The following ARHGAP45 variants were observed in gnomAD, a reference collection of about 807,000 sequenced individuals.
The protein encoded by ARHGAP45 is rho GTPase-activating protein 45.
Under a neutral mutation model 116.1 loss-of-function variants are expected in ARHGAP45, and 56 were observed. That is an observed-to-expected ratio of 0.48 (90% confidence interval 0.39 to 0.60). ARHGAP45 has a LOEUF of 0.60. Ranked by LOEUF, ARHGAP45 falls within the 20% of genes least tolerant of loss-of-function variation. ARHGAP45 has a pLI of 0.00. For synonymous variants in ARHGAP45, 866 were observed against 701.7 expected, an observed-to-expected ratio of 1.23 and a Z score of -3.70; for missense variants, 1,622 against 1,601.0, an observed-to-expected ratio of 1.01 and a Z score of -0.22.
rs2043188732 is a variant in ARHGAP45, at chr19:1,074,087, G to A, written c.791-17G>A. On this transcript the variant is annotated splice_polypyrimidine_tract_variant and intron_variant, in intron 6 of 22. Transcript: ENST00000313093. Reference sequence around the variant, plus strand: ...GCGCGGGTCGGGCCAGGCTGAGCAGGCCCCCGTTCCCTGCAGGCTGCCTGC... The same window carrying A: ...GCGCGGGTCGGGCCAGGCTGAGCAGACCCCCGTTCCCTGCAGGCTGCCTGC... 2 of 1,609,390 alleles carry A rather than the reference G, an allele frequency of 1.2e-6. No individual in the cohort carries two copies. Among genetic ancestry groups the A allele is most frequent in the African/African-American group, 1.3e-5 (1 of 74,876 alleles).
At chr19:1,084,716 C>T (rs1486770804) in intron 22 of ARHGAP45, among the ~76,000 whole-genome samples, 1 of 152,164 alleles carries the variant, frequency 6.6e-6, no homozygotes, top group Admixed American at 6.5e-5. Flanking sequence ...GCCAGCACCA[C>T]CTGTCAGAGG....
Position 1,074,810 on chromosome 19 carries a change from G to A in ARHGAP45, c.1116G>A (p.Leu372=). The part of the protein sequence containing the change: ...QTQTFMQPLT[L]RRLEHEKRRK... ...CCGTCTCGCCCCAGCCCCTGACCCTGCGGCGGCTTGAACACGAGAAGCGCA... is the reference window on the plus strand; with the variant it reads ...CCGTCTCGCCCCAGCCCCTGACCCTACGGCGGCTTGAACACGAGAAGCGCA... Residue 372 remains leucine (L), a synonymous_variant, in exon 10 of 23, where the codon CTG becomes CTA. Transcript: ENST00000313093. 1 of 1,601,398 alleles carries A rather than the reference G, an allele frequency of 6.2e-7. No individual in the cohort carries two copies. Among genetic ancestry groups the A allele is most frequent in the South Asian group, 1.1e-5 (1 of 89,170 alleles).
rs112834045 is a variant in ARHGAP45, at chr19:1,073,761, C to T, written c.723+15C>T. The T allele has an allele frequency of 3.8e-3, 5,920 of 1,573,972 alleles. 200 individuals carry two copies. In the African/African-American group the frequency reaches 0.069, roughly 18 times the overall value. The stretch of plus-strand genomic sequence containing the variant: ...ACTCGAGCCAGGTGAGTGGGGTGGG[C>T]CAGGGCCACCTGTGTCCAGCTTCTG... On this transcript the variant is annotated intron_variant, in intron 5 of 22. Transcript: ENST00000313093.
Position 1,083,169 on chromosome 19 carries a change from A to G in ARHGAP45, c.2771A>G (p.Lys924Arg), listed in dbSNP as rs533542089. 6.2e-7 allele frequency: 1 copy of G among 1,610,692 alleles called. No individual in the cohort carries two copies. Among genetic ancestry groups the G allele is most frequent in the African/African-American group, 1.3e-5 (1 of 75,008 alleles). Residue 924 changes from lysine (K) to arginine (R), a missense_variant, in exon 21 of 23, where the codon AAG becomes AGG. Physicochemically the swap from Lys to Arg is conservative, Grantham distance 26. Coordinates refer to ENST00000313093, the MANE Select transcript of ARHGAP45 (RefSeq NM_012292.5). ...RRIVEVEQDN[K>R]MTPGNLGIVF... ...ATCGTGGAGGTGGAGCAGGACAACA[A>G]GATGACCCCCGGGAACCTGGGCATC...
In ARHGAP45 at chr19:1,083,061, A is replaced by G. The variant is rs775751201; in HGVS notation, c.2739A>G (p.Leu913=). 1 of 1,550,216 alleles carries G rather than the reference A, an allele frequency of 6.5e-7. No individual in the cohort carries two copies. Among genetic ancestry groups the G allele is most frequent in the South Asian group, 1.2e-5 (1 of 85,440 alleles). The part of the protein sequence containing the change: ...RASLQYLLRH[L]RRIVEVEQDN... Reference sequence around the variant, plus strand: ...CGCTGCAGTACCTGCTGCGTCACCTACGCAGGTGAGTCCCGGCATATGGAG... The same window carrying G: ...CGCTGCAGTACCTGCTGCGTCACCTGCGCAGGTGAGTCCCGGCATATGGAG... The change falls in exon 20 of 23, where the codon CTA becomes CTG. Residue 913 remains leucine (L), a synonymous_variant. Coordinates refer to ENST00000313093, the MANE Select transcript of ARHGAP45 (RefSeq NM_012292.5).
At chr19:1,072,642 T>A (rs977346202) in intron 2 of ARHGAP45, among the ~76,000 whole-genome samples, 1 of 152,194 alleles carries the variant, frequency 6.6e-6, no homozygotes, top group Non-Finnish European at 1.5e-5. Flanking sequence ...GCCCTGGAGA[T>A]AAAGCCAGGC....
chr19:1,080,516 G>A lies in ARHGAP45; in HGVS notation c.1881G>A (p.Ser627=), dbSNP rs2043401366. ...HKSWPLSISD[S]DSGLDPGPGA... ...CATGGCCGCTCTCGATCTCAGACTC[G>A]GACAGTGGGCTGGACCCCGGCCCTG... The change falls in exon 15 of 23, where the codon TCG becomes TCA. Residue 627 remains serine, a synonymous_variant. Transcript: ENST00000313093. 1 of 1,612,942 alleles carries A rather than the reference G, an allele frequency of 6.2e-7. No individual in the cohort carries two copies. The highest frequency in any genetic ancestry group is 8.5e-7 in the Non-Finnish European group (1 of 1,179,988).
Position 1,074,327 on chromosome 19 carries a change from C to T in ARHGAP45, c.929-16C>T. The T allele has an allele frequency of 6.2e-7, 1 of 1,611,202 alleles. No individual in the cohort carries two copies. The highest frequency in any genetic ancestry group is 8.5e-7 in the Non-Finnish European group (1 of 1,178,932). On this transcript the variant is annotated splice_polypyrimidine_tract_variant and intron_variant, in intron 7 of 22. Coordinates refer to ENST00000313093, the MANE Select transcript of ARHGAP45 (RefSeq NM_012292.5). Reference sequence around the variant, plus strand: ...AGGCCTTGTCCCAGCACCTCACACCCCTCTCCGGCCCGCAGAGATGGAGTT... The same window carrying T: ...AGGCCTTGTCCCAGCACCTCACACCTCTCTCCGGCCCGCAGAGATGGAGTT...
At position 1,074,692 on chromosome 19, in the gene ARHGAP45, G is replaced by A. The variant is rs2043204221; in HGVS notation, c.1072G>A (p.Val358Met). Residue 358 changes from valine to methionine, a missense_variant, in exon 9 of 23, where the codon GTG becomes ATG. This residue lies in a region of ARHGAP45 where 1,334 missense variants were observed against 1,263.8 expected (regional missense o/e 1.06). Transcript: ENST00000313093. ...LEFGHSMVQA[V>M]GTLQTQTFMQ... ...GTTCGGCCACAGCATGGTGCAGGCGGTGGGCACCTTGCAGACCCAGACCTT... is the reference window on the plus strand; with the variant it reads ...GTTCGGCCACAGCATGGTGCAGGCGATGGGCACCTTGCAGACCCAGACCTT... 7 of 1,610,572 alleles carry A rather than the reference G, an allele frequency of 4.3e-6. No individual in the cohort carries two copies. Among genetic ancestry groups the A allele is most frequent in the Middle Eastern group, 1.9e-4 (1 of 5,390 alleles).
At chr19:1,076,954 C>T (rs1298930411) in intron 10 of ARHGAP45, 1 of 879,934 alleles carries the variant, frequency 1.1e-6, no homozygotes, top group African/African-American at 1.8e-5. Context: ...GTCTCAAACT[C>T]CTGGCCTCAA....
chr19:1,083,101 T>A, intron 20 of ARHGAP45, 35 bp downstream of exon 20: 3 of 1,568,138 alleles, frequency 1.9e-6, no homozygotes, highest in Non-Finnish European at 2.6e-6. Flanking sequence ...GGGCGCGGGG[T>A]CCCGGGAGCC....
At chr19:1,082,451 CG>C in intron 19 of ARHGAP45, 1 of 249,256 alleles carries the variant, frequency 4.0e-6, no homozygotes, top group African/African-American at 2.8e-5. Flanking sequence ...TGGTCATCCC[CG>C]GGGAAGGGCG....
rs1201117596 is a variant in ARHGAP45 at position 1,084,762 on chromosome 19, C to G, written c.3064+416C>G. On this transcript the variant is annotated intron_variant, in intron 22 of 22. Transcript: ENST00000313093. ...AGTGCCGCATCTAGTTATGGGACAC[C>G]TGTGTTGTCTGTCTTCACACTGCTG... Among the ~76,000 whole-genome samples the G allele has an allele frequency of 3.3e-5, 5 of 152,286 alleles. No homozygotes were observed. The East Asian group carries it at 7.7e-4, about 24-fold the overall frequency.
At chr19:1,067,649 G>A in intron 1 of ARHGAP45, 154 bp downstream of exon 1, 1 of 775,044 alleles carries the variant, frequency 1.3e-6, no homozygotes, top group Non-Finnish European at 2.2e-6. Context: ...CAGCAGAGAG[G>A]CCGGGACCCC....
intron 5 of ARHGAP45, 33 bp from the exon 6 acceptor site, chr19:1,073,915 G>T (rs755161499): frequency 1.3e-6 from 2 of 1,533,416 alleles, no homozygotes; most frequent in Non-Finnish European, 1.8e-6. Flanking sequence ...GGCCCCGCAT[G>T]GGGCTGGTCT....
rs754989327 is a variant in ARHGAP45 at position 1,080,720 on chromosome 19, A to G, written c.1951A>G (p.Thr651Ala). 6 of 1,613,574 alleles carry G rather than the reference A, an allele frequency of 3.7e-6. No individual in the cohort carries two copies. Among genetic ancestry groups the G allele is most frequent in the Non-Finnish European group, 5.1e-6 (6 of 1,179,964 alleles). Residue 651 changes from threonine (T) to alanine (A), a missense_variant, in exon 16 of 23, where the codon ACC (threonine) becomes GCC (alanine). Thr to Ala is a moderately conservative substitution (Grantham distance 58). This residue lies in a region of ARHGAP45 where 1,334 missense variants were observed against 1,263.8 expected (regional missense o/e 1.06). Transcript: ENST00000313093. ...KKFERTSSSG[T>A]MSSTEELVDP... ...GTTCGAGCGGACGTCATCCAGTGGT[A>G]CCATGTCGTCCACGGAGGAGCTGGT...
rs756171928 is a variant in ARHGAP45 at position 1,079,971 on chromosome 19, C to T, written c.1556C>T (p.Pro519Leu). The change falls in exon 13 of 23, where the codon CCG (proline) becomes CTG (leucine). Residue 519 changes from proline (P) to leucine (L), a missense_variant. This residue lies in a region of ARHGAP45 where 1,334 missense variants were observed against 1,263.8 expected (regional missense o/e 1.06). Transcript: ENST00000313093. ...YYQMMHMQTA[P>L]LPVHFQMLCE... is the part of the protein sequence containing the mutation. ...CAGATGATGCATATGCAGACGGCGC[C>T]GCTGCCCGTGCACTTCCAGATGCTG... The T allele has an allele frequency of 8.4e-5, 136 of 1,612,584 alleles. No individual in the cohort carries two copies. The highest frequency in any genetic ancestry group is 1.6e-4 in the Middle Eastern group (1 of 6,082).
chr19:1,076,005 G>A (rs957831897), intron 10 of ARHGAP45, among the ~76,000 whole-genome samples: 2 of 152,186 alleles, frequency 1.3e-5, no homozygotes, highest in Non-Finnish European at 2.9e-5. Flanking sequence ...CCCGATATCA[G>A]TCAGCATGAA....
rs1027177978 is a variant in ARHGAP45, at chr19:1,080,979, C to T, written c.2105C>T (p.Thr702Ile). ...GAGGGGCTGTCCAAGGCGGCCCGTA[C>T]TCACCGGCTCCGGAAGCTCCGCACG... is the stretch of plus-strand genomic sequence containing the variant. ...RHEGLSKAAR[T>I]HRLRKLRTPA... Residue 702 changes from threonine to isoleucine, a missense_variant, in exon 17 of 23, where the codon ACT becomes ATT. Transcript: ENST00000313093. The T allele has an allele frequency of 1.3e-5, 21 of 1,608,236 alleles. No homozygotes were observed. The highest frequency in any genetic ancestry group is 1.7e-5 in the Non-Finnish European group (20 of 1,178,164).
Sources: gnomAD v4.1 joint callset for allele counts (sites outside exome capture counted in the v4.1 genomes callset) on GRCh38, gnomAD v4.1.1 for gene constraint, gnomAD v4.1.1 regional missense constraint, MANE v1.5 for transcripts, NCBI Gene and HGNC (gene_info 2026-07-23, HGNC 2026-07-21) for gene names.